MARS1: variants seen among roughly 807,000 people sequenced by gnomAD.
The protein encoded by MARS1 is methionine--tRNA ligase, cytoplasmic.
A neutral mutation model predicts 119.5 loss-of-function variants in MARS1; 80 were observed. The ratio of observed to expected loss-of-function variants is 0.67; its 90% CI spans 0.56 to 0.81. MARS1 has a LOEUF of 0.81. MARS1 is among the 30% of genes least tolerant of loss of function. MARS1 has a pLI of 0.00. For missense variants in MARS1, 945 were observed against 1,116.5 expected (o/e 0.85, Z 2.19); for synonymous variants, 418 against 433.4 (o/e 0.96, Z 0.44).
At position 57,515,974 on chromosome 12, in the gene MARS1, C is replaced by A. The variant is rs368028253; in HGVS notation, c.2446C>A (p.Arg816Ser). The A allele has an allele frequency of 1.2e-6, 2 of 1,613,962 alleles. No homozygotes were observed. The highest frequency in any genetic ancestry group is 1.7e-6 in the Non-Finnish European group (2 of 1,180,008). ...ENDQIESLRQ[R>S]FGGGQAKTSP... is the part of the protein sequence containing the mutation. Reference sequence around the variant, plus strand: ...TGACCAGATTGAAAGTTTAAGGCAGCGCTTTGGAGGGGGCCAGGTGAGAAA... The same window carrying A: ...TGACCAGATTGAAAGTTTAAGGCAGAGCTTTGGAGGGGGCCAGGTGAGAAA... Residue 816 changes from arginine to serine, a missense_variant, in exon 19 of 21, where the codon CGC becomes AGC. Physicochemically the swap from Arg to Ser is moderately radical, Grantham distance 110. Coordinates refer to ENST00000262027, the MANE Select transcript of MARS1 (RefSeq NM_004990.4).
intron 15 of MARS1, 134 bp downstream of exon 15, chr12:57,513,098 T>A: frequency 1.4e-6 from 1 of 718,140 alleles, no homozygotes; most frequent in Non-Finnish European, 2.4e-6. Context: ...TGATTTCTAT[T>A]AATTGGGATC....
At position 57,498,147 on chromosome 12, in the gene MARS1, T is replaced by G. The variant is rs750229151; in HGVS notation, c.771-10T>G. On this transcript the variant is annotated splice_polypyrimidine_tract_variant and intron_variant, in intron 7 of 20. Transcript: ENST00000262027. ...CCCCATGCACTGTTCTCTTCCTCTTTCCTTACTAGGTTGCCTGTGGCTGGA... is the reference window on the plus strand; with the variant it reads ...CCCCATGCACTGTTCTCTTCCTCTTGCCTTACTAGGTTGCCTGTGGCTGGA... 14 of 1,594,318 alleles carry G rather than the reference T, an allele frequency of 8.8e-6. No individual in the cohort carries two copies. The highest frequency in any genetic ancestry group is 1.2e-5 in the Non-Finnish European group (14 of 1,161,880).
chr12:57,506,218 C>G (rs1432761447), intron 11 of MARS1, among the ~76,000 whole-genome samples: 1 of 152,144 alleles, frequency 6.6e-6, no homozygotes, highest in African/African-American at 2.4e-5. Flanking sequence ...ATGATTGAAC[C>G]ATTGCACTGC....
intron 7 of MARS1, 28 bp downstream of exon 7, chr12:57,490,672 G>A (rs1875869436): frequency 6.3e-7 from 1 of 1,599,938 alleles, no homozygotes; most frequent in Non-Finnish European, 8.6e-7. Flanking sequence ...ATGTGAGTGG[G>A]GCTTGATTTT....
chr12:57,499,478 C>T (rs1594820446), intron 9 of MARS1, among the ~76,000 whole-genome samples: 3 of 151,146 alleles, frequency 2.0e-5, no homozygotes, highest in Admixed American at 1.3e-4. Flanking sequence ...GTGGTGGGCG[C>T]CTGTAGTCCC....
chr12:57,495,556 A>T (rs1199795006), intron 7 of MARS1, among the ~76,000 whole-genome samples: 2 of 146,264 alleles, frequency 1.4e-5, no homozygotes, highest in Non-Finnish European at 3.0e-5. Flanking sequence ...ATCCCAGACG[A>T]TGGGCAGCCA....
Position 57,489,120 on chromosome 12 carries a change from G to A in MARS1, c.200+11G>A, listed in dbSNP as rs369608464. On this transcript the variant is annotated intron_variant, in intron 2 of 20. Coordinates refer to ENST00000262027, the MANE Select transcript of MARS1 (RefSeq NM_004990.4). ...TAGTGCAATCTGCCGGTCAGTATTGGTCCTTGGTGTAGGGAGGTGGCTGAA... is the reference window on the plus strand; with the variant it reads ...TAGTGCAATCTGCCGGTCAGTATTGATCCTTGGTGTAGGGAGGTGGCTGAA... 14 of 1,613,472 alleles carry A rather than the reference G, an allele frequency of 8.7e-6. No homozygotes were observed. In the African/African-American group the frequency reaches 1.7e-4, roughly 20 times the overall value.
intron 11 of MARS1, among the ~76,000 whole-genome samples, chr12:57,508,043 TC>T (rs1236321113): frequency 6.6e-6 from 1 of 150,550 alleles, no homozygotes; most frequent in Non-Finnish European, 1.5e-5. Context: ...GCAGAGGCGC[TC>T]CCCACATCTC....
chr12:57,496,224 C>T (rs985932236), intron 7 of MARS1, among the ~76,000 whole-genome samples: 18 of 146,876 alleles, frequency 1.2e-4, no homozygotes, highest in African/African-American at 4.0e-4. Flanking sequence ...GAGTGAGTGG[C>T]GCAATCTAGG....
rs1171746754 is a variant in MARS1, at chr12:57,507,798, A to G, written c.1368+3499A>G. 2.1e-4 allele frequency among the ~76,000 whole-genome samples: 27 copies of G among 131,536 alleles called. No individual in the cohort carries two copies. The East Asian group carries it at 2.8e-3, about 13-fold the overall frequency. The allele number at this position is 131,536 out of a possible 152,430, so 86.3% of individuals were successfully genotyped here. Reference sequence around the variant, plus strand: ...CCGGACGGGGCGGCTGGCCGGGCGGAGGCTGACCCCCACCTCCCTCCCGGA... The same window carrying G: ...CCGGACGGGGCGGCTGGCCGGGCGGGGGCTGACCCCCACCTCCCTCCCGGA... On this transcript the variant is annotated intron_variant, in intron 11 of 20. Transcript: ENST00000262027.
Position 57,516,572 on chromosome 12 carries a change from G to T in MARS1, c.2694G>T (p.Lys898Asn). The T allele has an allele frequency of 6.3e-7, 1 of 1,575,418 alleles. No homozygotes were observed. ...GKPPEAPKGKKKK is the reference protein window; with the variant it reads ...GKPPEAPKGKNKK ...CCCCTGAAGCCCCTAAAGGCAAGAA[G>T]AAAAAGTAAAAGACCTTGGCTCATA... The change falls in exon 21 of 21, where the codon AAG becomes AAT. Residue 898 changes from lysine to asparagine, a missense_variant. Physicochemically the swap from Lys to Asn is moderately conservative, Grantham distance 94 (BLOSUM62 0). Coordinates refer to ENST00000262027, the MANE Select transcript of MARS1 (RefSeq NM_004990.4).
Position 57,516,537 on chromosome 12 carries a change from G to T in MARS1, c.2659G>T (p.Glu887Ter). The change falls in exon 21 of 21, where the codon GAG (glutamate) becomes TAG (stop). Residue 887 changes from glutamate to a stop codon, truncating the protein, a stop_gained. Transcript: ENST00000262027. LOFTEE classifies it high-confidence loss of function. ...LDLKKQLAVAEGKPPEAPKGK... is the reference protein window; with the variant it reads ...LDLKKQLAVA Reference sequence around the variant, plus strand: ...TCTAAAGAAACAGTTGGCTGTAGCTGAGGGGAAACCCCCTGAAGCCCCTAA... The same window carrying T: ...TCTAAAGAAACAGTTGGCTGTAGCTTAGGGGAAACCCCCTGAAGCCCCTAA... 6.2e-7 allele frequency: 1 copy of T among 1,609,808 alleles called. No homozygotes were observed. The highest frequency in any genetic ancestry group is 1.1e-5 in the South Asian group (1 of 89,992).
Position 57,516,518 on chromosome 12 carries a change from G to A in MARS1, c.2640G>A (p.Lys880=), listed in dbSNP as rs1594838677. 6.2e-7 allele frequency: 1 copy of A among 1,612,966 alleles called. No homozygotes were observed. Among genetic ancestry groups the A allele is most frequent in the South Asian group, 1.1e-5 (1 of 90,830 alleles). The change falls in exon 21 of 21, where the codon AAG becomes AAA. Residue 880 remains lysine (K), a synonymous_variant. Coordinates refer to ENST00000262027, the MANE Select transcript of MARS1 (RefSeq NM_004990.4). ...AGGTGGCGAAACTCTTGGATCTAAA[G>A]AAACAGTTGGCTGTAGCTGAGGGGA... ...AAEVAKLLDL[K]KQLAVAEGKP... is the part of the protein sequence containing the mutation.
At position 57,507,682 on chromosome 12, in the gene MARS1, ACGGGACGGC is replaced by A. The variant is rs1877270126; in HGVS notation, c.1368+3384_1368+3392del. ...GTCTGGCCCCCCACCTCCCTCCCGG[ACGGGACGGC>A]TGGCCGGGCGGGGGTCTGGCCCCCC... On this transcript the variant is annotated intron_variant, in intron 11 of 20. Coordinates refer to ENST00000262027, the MANE Select transcript of MARS1 (RefSeq NM_004990.4). Among the ~76,000 whole-genome samples, 3 of 89,982 alleles carry A rather than the reference ACGGGACGGC, an allele frequency of 3.3e-5. 1 individual carries two copies. Among genetic ancestry groups the A allele is most frequent in the Non-Finnish European group, 4.7e-5 (2 of 42,290 alleles). 59.0% of individuals were successfully genotyped at this position (89,982 alleles called of 152,430 possible).
At chr12:57,496,651 C>A (rs1203056589) in intron 7 of MARS1, among the ~76,000 whole-genome samples, 3 of 151,768 alleles carry the variant, frequency 2.0e-5, no homozygotes, top group African/African-American at 4.8e-5. Context: ...GTGATGCCTG[C>A]CTGAAGTTCC....
chr12:57,511,142 T>TA (rs368042156), intron 11 of MARS1, among the ~76,000 whole-genome samples: 138,250 of 149,018 alleles, frequency 0.93, 64,892 homozygotes, highest in South Asian at 1. Context: ...TTTTAAAAAT[T>TA]AAAAAAAAAA....
intron 1 of MARS1, 77 bp downstream of exon 1, chr12:57,488,276 G>GCCAA: frequency 7.2e-7 from 1 of 1,391,146 alleles, no homozygotes; most frequent in Non-Finnish European, 1.0e-6. Context: ...AGCTGTCTTT[G>GCCAA]CCAAACCCCT....
At chr12:57,488,430 G>A in intron 1 of MARS1, 1 of 834,600 alleles carries the variant, frequency 1.2e-6, no homozygotes. Flanking sequence ...CCCCTCTTCC[G>A]TCTTCCCGGT....
chr12:57,489,832 T>C (rs1875790269), intron 4 of MARS1, 64 bp from the exon 5 acceptor site: 3 of 1,427,004 alleles, frequency 2.1e-6, no homozygotes, highest in Non-Finnish European at 3.0e-6. Flanking sequence ...ATGTTAGATA[T>C]TACCATTGGG....
Sources: gnomAD v4.1 joint callset for allele counts (sites outside exome capture counted in the v4.1 genomes callset) on GRCh38, gnomAD v4.1.1 for gene constraint, MANE v1.5 for transcripts, NCBI Gene and HGNC (gene_info 2026-07-23, HGNC 2026-07-21) for gene names.